Variants in MIPEP observed in about 807,000 individuals in gnomAD.
The protein encoded by MIPEP is mitochondrial intermediate peptidase.
MIPEP carries 79 observed loss-of-function variants against 90.3 expected under a neutral mutation model. That is an observed-to-expected ratio of 0.87 (90% CI 0.73 to 1.05). MIPEP has a LOEUF of 1.05. Ranked by LOEUF, MIPEP falls within the 50% of genes least tolerant of loss-of-function variation. The pLI is 0.00. For synonymous variants in MIPEP, 334 were observed against 315.8 expected, an observed-to-expected ratio of 1.06 and a Z score of -0.61; for missense variants, 940 against 905.6, an observed-to-expected ratio of 1.04 and a Z score of -0.49.
chr13:23,735,052 C>T (rs961287552), intron 18 of MIPEP, among the ~76,000 whole-genome samples: 1 of 152,172 alleles, frequency 6.6e-6, no homozygotes, highest in East Asian at 1.9e-4. Context: ...ATGGACACCC[C>T]GAAGTATCCC....
chr13:23,877,334 G>A (rs1465718527), intron 4 of MIPEP, among the ~76,000 whole-genome samples: 4 of 152,070 alleles, frequency 2.6e-5, no homozygotes, highest in East Asian at 3.8e-4. Flanking sequence ...TGTATGTTGC[G>A]GTTCTGCACT....
chr13:23,795,547 A>C (rs1952948834), intron 16 of MIPEP, among the ~76,000 whole-genome samples: 1 of 152,192 alleles, frequency 6.6e-6, no homozygotes, highest in African/African-American at 2.4e-5. Flanking sequence ...AAATCACTTA[A>C]TGGATAATTA....
intron 14 of MIPEP, among the ~76,000 whole-genome samples, chr13:23,828,558 A>G (rs1309438281): frequency 6.6e-6 from 1 of 152,228 alleles, no homozygotes; most frequent in Non-Finnish European, 1.5e-5. Context: ...GAATATATAT[A>G]CTGCTTATAG....
chr13:23,853,713 G>T (rs1307801997), intron 10 of MIPEP, among the ~76,000 whole-genome samples: 1 of 151,734 alleles, frequency 6.6e-6, no homozygotes, highest in South Asian at 2.1e-4. Context: ...GGCACTTGCC[G>T]CCATGCCCGG....
intron 18 of MIPEP, among the ~76,000 whole-genome samples, chr13:23,740,433 A>G (rs1342275220): frequency 1.3e-5 from 2 of 149,008 alleles, no homozygotes; most frequent in East Asian, 3.9e-4. Context: ...TGTGGCCTCA[A>G]AAAAAAAAAA....
At chr13:23,886,303 T>G (rs1241012703) in intron 2 of MIPEP, 30 bp downstream of exon 2, 2 of 1,402,922 alleles carry the variant, frequency 1.4e-6, no homozygotes, top group East Asian at 2.7e-5. Context: ...GAAAGAGAGG[T>G]AGCTTCAAGT....
chr13:23,762,415 T>C (rs1243031481), intron 16 of MIPEP, among the ~76,000 whole-genome samples: 2 of 152,166 alleles, frequency 1.3e-5, no homozygotes, highest in Non-Finnish European at 2.9e-5. Flanking sequence ...TGCTAGTGAC[T>C]CTCTGGTTAT....
intron 16 of MIPEP, among the ~76,000 whole-genome samples, chr13:23,784,383 G>A (rs535263071): frequency 1.3e-5 from 2 of 152,252 alleles, no homozygotes; most frequent in East Asian, 3.9e-4. Context: ...AACAAGAAAT[G>A]GGGAAAGGAT....
intron 18 of MIPEP, among the ~76,000 whole-genome samples, chr13:23,740,239 C>T (rs1952312015): frequency 6.6e-6 from 1 of 152,188 alleles, no homozygotes; most frequent in Admixed American, 6.5e-5. Context: ...GCCCCTGGCT[C>T]AGCCAGTGAG....
chr13:23,779,744 G>A (rs9652078), intron 16 of MIPEP, among the ~76,000 whole-genome samples: 11,962 of 152,104 alleles, frequency 0.079, 1,571 homozygotes, highest in African/African-American at 0.27. Context: ...CTGGAAAATC[G>A]GATCACTCCC....
intron 16 of MIPEP, among the ~76,000 whole-genome samples, chr13:23,786,249 A>G (rs544466645): frequency 6.6e-6 from 1 of 152,244 alleles, no homozygotes; most frequent in South Asian, 2.1e-4. Flanking sequence ...GAAAAACTAA[A>G]GCTGGTTCCA....
intron 14 of MIPEP, among the ~76,000 whole-genome samples, chr13:23,823,626 C>G (rs1040696744): frequency 3.9e-5 from 6 of 152,134 alleles, no homozygotes; most frequent in Admixed American, 2.0e-4. Flanking sequence ...GCTGAATGTT[C>G]GAGAACAGGC....
chr13:23,804,807 T>C (rs1440999721), intron 16 of MIPEP, among the ~76,000 whole-genome samples: 2 of 152,246 alleles, frequency 1.3e-5, no homozygotes, highest in Non-Finnish European at 2.9e-5. Context: ...CATATTCTGC[T>C]ATCCAATCTT....
chr13:23,881,715 C>T lies in MIPEP; in HGVS notation c.436G>A (p.Gly146Ser). ...AGCACATACTTCTCTACCATGGTGC[C>T]AATACTTCTACAAGCTTCTTCCGCA... Reference protein sequence around the residue: ...EAAEEACRSIGTMVEKLNTNV... With the variant: ...EAAEEACRSISTMVEKLNTNV... Residue 146 changes from glycine to serine, a missense_variant, in exon 3 of 19, where the codon GGC becomes AGC. Transcript: ENST00000382172. 1 of 1,613,814 alleles carries T rather than the reference C, an allele frequency of 6.2e-7. No homozygotes were observed. Among genetic ancestry groups the T allele is most frequent in the African/African-American group, 1.3e-5 (1 of 75,044 alleles).
At chr13:23,881,343 A>G (rs1286133567) in intron 3 of MIPEP, among the ~76,000 whole-genome samples, 2 of 152,228 alleles carry the variant, frequency 1.3e-5, no homozygotes, top group East Asian at 3.9e-4. Context: ...AAGGTAAGTG[A>G]TAATGGTGAT....
intron 16 of MIPEP, among the ~76,000 whole-genome samples, chr13:23,778,788 C>A (rs539477273): frequency 2.0e-5 from 3 of 152,174 alleles, no homozygotes; most frequent in African/African-American, 7.2e-5. Context: ...GTGCTTTGAT[C>A]ATACATTATT....
rs534997087 is a variant in MIPEP at position 23,735,258 on chromosome 13, C to A, written c.2045-4813G>T. On this transcript the variant is annotated intron_variant, in intron 18 of 18. Coordinates refer to ENST00000382172, the MANE Select transcript of MIPEP (RefSeq NM_005932.4). ...ATCTGTGGCAGGTGGGGTTCCCTCT[C>A]TTGGCTTTGGAGCCCCCCTTCCTCT... 1.1e-4 allele frequency among the ~76,000 whole-genome samples: 16 copies of A among 152,272 alleles called. 1 individual carries two copies. The South Asian group carries it at 2.9e-3, about 28-fold the overall frequency.
At chr13:23,853,180 T>G (rs1200180044) in intron 10 of MIPEP, among the ~76,000 whole-genome samples, 1 of 152,222 alleles carries the variant, frequency 6.6e-6, no homozygotes. Flanking sequence ...AAATTTAGTG[T>G]AGCCTAAGTG....
chr13:23,832,039 G>GT (rs1868794867), intron 14 of MIPEP, among the ~76,000 whole-genome samples: 2 of 152,258 alleles, frequency 1.3e-5, no homozygotes, highest in East Asian at 3.9e-4. Context: ...CAAAACCCAT[G>GT]TTGAAATTTA....
Sources: gnomAD v4.1 joint callset for allele counts (sites outside exome capture counted in the v4.1 genomes callset) on GRCh38, gnomAD v4.1.1 for gene constraint, MANE v1.5 for transcripts, NCBI Gene and HGNC (gene_info 2026-07-23, HGNC 2026-07-21) for gene names.